Variants in POLN observed in about 807,000 individuals in gnomAD.
POLN encodes DNA polymerase nu, also known as DNA polymerase N.
Under a neutral mutation model 113.5 loss-of-function variants are expected in POLN, and 108 were observed. The ratio of observed to expected loss-of-function variants is 0.95; its 90% CI spans 0.81 to 1.12. The LOEUF is 1.12. Among genes scored for constraint, POLN ranks in the 50% most tolerant of loss-of-function variants. The probability of loss-of-function intolerance (pLI) is 0.00; values close to 1 mark genes in which losing one functional copy is unlikely to be tolerated. For missense variants in POLN, 1,097 were observed against 1,077.1 expected (o/e 1.02, Z -0.26); for synonymous variants, 386 against 391.5 (o/e 0.99, Z 0.17).
At chr4:2,191,408 A>C (rs1733436838) in intron 7 of POLN, among the ~76,000 whole-genome samples, 1 of 152,154 alleles carries the variant, frequency 6.6e-6, no homozygotes, top group Non-Finnish European at 1.5e-5. Context: ...AAGAAAGAAG[A>C]CCTGGTGTTC....
intron 16 of POLN, among the ~76,000 whole-genome samples, chr4:2,137,451 C>T (rs559049824): frequency 2.6e-5 from 4 of 152,344 alleles, no homozygotes; most frequent in Admixed American, 6.5e-5. Context: ...CACAGCAGCA[C>T]ACCTGCTATG....
chr4:2,176,938 A>T (rs150898249), intron 8 of POLN, among the ~76,000 whole-genome samples: 6 of 152,156 alleles, frequency 3.9e-5, no homozygotes, highest in Non-Finnish European at 7.4e-5. Context: ...CTGCCAAACA[A>T]ATCCCCCACC....
At chr4:2,079,879 C>T (rs1462885296) in intron 23 of POLN, 65 of 985,486 alleles carry the variant, frequency 6.6e-5, no homozygotes, top group Non-Finnish European at 7.6e-5. Context: ...GCCACTGTGC[C>T]CAGCCGAGAG....
intron 13 of POLN, among the ~76,000 whole-genome samples, chr4:2,166,207 G>A (rs1732724536): frequency 6.6e-6 from 1 of 152,120 alleles, no homozygotes; most frequent in Non-Finnish European, 1.5e-5. Flanking sequence ...TTGGGTCCTT[G>A]TTCACCTCAA....
intron 16 of POLN, among the ~76,000 whole-genome samples, chr4:2,139,175 C>G (rs1209649766): frequency 6.6e-6 from 1 of 152,178 alleles, no homozygotes. Context: ...ACTGGGTCAC[C>G]AGCAGGGCAG....
intron 3 of POLN, among the ~76,000 whole-genome samples, chr4:2,217,814 T>C (rs1734148281): frequency 6.6e-6 from 1 of 152,148 alleles, no homozygotes; most frequent in Non-Finnish European, 1.5e-5. Flanking sequence ...GCCACTTGCT[T>C]CACAGCCTAG....
chr4:2,218,060 C>T (rs1734154324), intron 3 of POLN, among the ~76,000 whole-genome samples: 1 of 152,208 alleles, frequency 6.6e-6, no homozygotes, highest in South Asian at 2.1e-4. Flanking sequence ...GAGACTGAAG[C>T]AGATCACTTT....
chr4:2,133,601 T>C (rs1474084914), intron 16 of POLN, among the ~76,000 whole-genome samples: 1 of 152,230 alleles, frequency 6.6e-6, no homozygotes, highest in African/African-American at 2.4e-5. Context: ...TTCCAGTATA[T>C]GTACATAGTG....
At chr4:2,145,531 C>A (rs1332908374) in intron 16 of POLN, among the ~76,000 whole-genome samples, 1 of 152,026 alleles carries the variant, frequency 6.6e-6, no homozygotes, top group African/African-American at 2.4e-5. Context: ...ATTCAAATGA[C>A]AAATAAACAT....
intron 5 of POLN, among the ~76,000 whole-genome samples, chr4:2,202,559 A>G (rs1456157404): frequency 6.6e-6 from 1 of 152,046 alleles, no homozygotes; most frequent in African/African-American, 2.4e-5. Flanking sequence ...CTCCGTCTCT[A>G]CTAAAAATAC....
At chr4:2,168,339 A>AG (rs1383107311) in intron 13 of POLN, among the ~76,000 whole-genome samples, 6 of 152,226 alleles carry the variant, frequency 3.9e-5, no homozygotes, top group Admixed American at 1.3e-4. Flanking sequence ...GCCTCCAGGA[A>AG]GGGGAAAGGG....
intron 13 of POLN, among the ~76,000 whole-genome samples, chr4:2,165,984 C>T (rs1358793325): frequency 1.3e-5 from 2 of 152,046 alleles, no homozygotes; most frequent in African/African-American, 2.4e-5. Flanking sequence ...ACTATGTTGC[C>T]CAGGCTGGTC....
At chr4:2,165,101 T>G (rs947337380) in intron 13 of POLN, among the ~76,000 whole-genome samples, 6 of 152,168 alleles carry the variant, frequency 3.9e-5, no homozygotes, top group African/African-American at 1.4e-4. Flanking sequence ...AGCTGAAAAT[T>G]TATGTCCACC....
intron 2 of POLN, chr4:2,240,281 G>A (rs777049016): frequency 6.2e-7 from 1 of 1,613,170 alleles, no homozygotes; most frequent in Admixed American, 1.7e-5. Context: ...TACCCTGAAA[G>A]AACTGTTTTT....
chr4:2,100,062 C>A (rs1270183661), intron 19 of POLN, among the ~76,000 whole-genome samples: 2 of 131,674 alleles, frequency 1.5e-5, no homozygotes, highest in Admixed American at 8.0e-5. Context: ...AGAGTGAGAC[C>A]CTGTCTCAAA....
chr4:2,191,373 C>T lies in POLN; in HGVS notation c.1021+1831G>A, dbSNP rs183775340. On this transcript the variant is annotated intron_variant, in intron 7 of 25. Coordinates refer to ENST00000511885, the MANE Select transcript of POLN (RefSeq NM_181808.4). ...GGTGGGATTAAGAGTAGTTGATTAA[C>T]GGTTACAAATACATAGTTAGGCAGA... Among the ~76,000 whole-genome samples, 572 of 152,198 alleles carry T rather than the reference C, an allele frequency of 3.8e-3. 6 individuals carry two copies. Among genetic ancestry groups the T allele is most frequent in the African/African-American group, 0.013 (538 of 41,534 alleles).
intron 3 of POLN, among the ~76,000 whole-genome samples, chr4:2,220,744 T>C (rs11931102): frequency 0.083 from 12,576 of 152,254 alleles, 780 homozygotes; most frequent in African/African-American, 0.16. Context: ...TTTCTGTCCC[T>C]TGACTGGACT....
intron 25 of POLN, 136 bp from the exon 26 acceptor site, chr4:2,072,435 A>C: frequency 1.4e-6 from 1 of 733,710 alleles, no homozygotes; most frequent in South Asian, 2.0e-5. Context: ...AGCCACACGC[A>C]CACATGTGCA....
At chr4:2,199,707 G>A (rs1442176578) in intron 5 of POLN, among the ~76,000 whole-genome samples, 1 of 152,134 alleles carries the variant, frequency 6.6e-6, no homozygotes, top group Non-Finnish European at 1.5e-5. Flanking sequence ...CTCCAGAGTA[G>A]CTGGGACTAC....
Sources: allele counts gnomAD v4.1 joint callset (sites outside exome capture counted in the v4.1 genomes callset), GRCh38; gene constraint gnomAD v4.1.1; transcripts MANE v1.5; gene names NCBI Gene and HGNC (gene_info 2026-07-23, HGNC 2026-07-21).